Variants in ST6GALNAC3 observed in about 807,000 individuals in gnomAD.
The protein encoded by ST6GALNAC3 is alpha-N-acetylgalactosaminide alpha-2,6-sialyltransferase 3.
ST6GALNAC3 carries 25 observed loss-of-function variants against 32.7 expected under a neutral mutation model. The ratio of observed to expected loss-of-function variants is 0.76; its 90% CI spans 0.56 to 1.07. The LOEUF (loss-of-function observed/expected upper bound fraction) is 1.07. Among genes scored for constraint, ST6GALNAC3 ranks in the 50% least tolerant of loss-of-function variants. The pLI is 0.00. For missense variants in ST6GALNAC3, 355 were observed against 382.4 expected (o/e 0.93, Z 0.60); for synonymous variants, 129 against 133.1 (o/e 0.97, Z 0.21).
intron 1 of ST6GALNAC3, among the ~76,000 whole-genome samples, chr1:76,228,000 T>A (rs1054906298): frequency 1.3e-5 from 2 of 152,214 alleles, no homozygotes; most frequent in Admixed American, 1.3e-4. Flanking sequence ...TTAATTTCAT[T>A]ACTTTGTTAG....
intron 1 of ST6GALNAC3, among the ~76,000 whole-genome samples, chr1:76,297,767 G>A (rs985208838): frequency 6.6e-6 from 1 of 152,002 alleles, no homozygotes; most frequent in Non-Finnish European, 1.5e-5. Context: ...TAATGGTACT[G>A]CAATTTTATC....
intron 1 of ST6GALNAC3, among the ~76,000 whole-genome samples, chr1:76,126,831 G>A (rs1172587798): frequency 6.6e-6 from 1 of 152,108 alleles, no homozygotes; most frequent in African/African-American, 2.4e-5. Context: ...GCATCCCCAG[G>A]TGCTGCGTTT....
chr1:76,517,638 T>C (rs1432967424), intron 3 of ST6GALNAC3, among the ~76,000 whole-genome samples: 1 of 151,968 alleles, frequency 6.6e-6, no homozygotes, highest in African/African-American at 2.4e-5. Flanking sequence ...TGTTGTTTAT[T>C]AAGTTGATTA....
intron 2 of ST6GALNAC3, among the ~76,000 whole-genome samples, chr1:76,387,111 A>G (rs1351763311): frequency 6.6e-6 from 1 of 152,166 alleles, no homozygotes; most frequent in Non-Finnish European, 1.5e-5. Context: ...TCAAGCTACC[A>G]GGAGAGACTC....
chr1:76,619,979 C>A (rs577579639), intron 3 of ST6GALNAC3, among the ~76,000 whole-genome samples: 1 of 152,186 alleles, frequency 6.6e-6, no homozygotes, highest in South Asian at 2.1e-4. Flanking sequence ...GCTCTTTCCC[C>A]AGTATTCCCA....
chr1:76,502,792 A>T (rs1298404832), intron 3 of ST6GALNAC3, among the ~76,000 whole-genome samples: 1 of 152,194 alleles, frequency 6.6e-6, no homozygotes, highest in Non-Finnish European at 1.5e-5. Flanking sequence ...GAGATTAGAT[A>T]ACTTGCCCAA....
intron 1 of ST6GALNAC3, among the ~76,000 whole-genome samples, chr1:76,117,717 A>G (rs1171526975): frequency 6.6e-6 from 1 of 152,204 alleles, no homozygotes; most frequent in Non-Finnish European, 1.5e-5. Context: ...ACACTGTGGT[A>G]AGATAATCAA....
At chr1:76,156,880 C>T (rs527407331) in intron 1 of ST6GALNAC3, among the ~76,000 whole-genome samples, 112 of 152,302 alleles carry the variant, frequency 7.4e-4, no homozygotes, top group African/African-American at 1.3e-3. Flanking sequence ...TACAGGCGCC[C>T]GCCACCACGC....
At chr1:76,318,183 A>C (rs557569700) in intron 2 of ST6GALNAC3, among the ~76,000 whole-genome samples, 2 of 152,258 alleles carry the variant, frequency 1.3e-5, no homozygotes, top group South Asian at 2.1e-4. Context: ...CCTGATGTAG[A>C]TCCATAAAAA....
intron 1 of ST6GALNAC3, among the ~76,000 whole-genome samples, chr1:76,153,971 G>A (rs1327492636): frequency 2.6e-5 from 4 of 152,256 alleles, no homozygotes; most frequent in African/African-American, 7.2e-5. Context: ...CTTGGGTTCC[G>A]TCACAGTGAT....
chr1:76,144,703 G>A (rs924580745), intron 1 of ST6GALNAC3, among the ~76,000 whole-genome samples: 1 of 152,194 alleles, frequency 6.6e-6, no homozygotes. Flanking sequence ...ATGATTCTGT[G>A]AAGCAAACTA....
chr1:76,494,649 G>GCA (rs35632611), intron 3 of ST6GALNAC3, among the ~76,000 whole-genome samples: 39,709 of 67,610 alleles, frequency 0.59, 13,627 homozygotes, highest in Non-Finnish European at 0.69. Context: ...ATGTGTATGC[G>GCA]CACACACACA....
intron 1 of ST6GALNAC3, among the ~76,000 whole-genome samples, chr1:76,295,223 T>A (rs992591904): frequency 6.6e-6 from 1 of 152,118 alleles, no homozygotes; most frequent in Non-Finnish European, 1.5e-5. Context: ...TGTTCTTTGA[T>A]ATCAAAGAGC....
At chr1:76,521,543 G>A (rs1662539606) in intron 3 of ST6GALNAC3, among the ~76,000 whole-genome samples, 1 of 151,998 alleles carries the variant, frequency 6.6e-6, no homozygotes, top group Admixed American at 6.6e-5. Context: ...GTTTACCCAA[G>A]TATTTATCTT....
chr1:76,568,704 T>C (rs1665693696), intron 3 of ST6GALNAC3, among the ~76,000 whole-genome samples: 1 of 152,060 alleles, frequency 6.6e-6, no homozygotes, highest in Non-Finnish European at 1.5e-5. Context: ...AGACACGCAG[T>C]ATAGTGCTTC....
chr1:76,095,760 G>A (rs564512888), intron 1 of ST6GALNAC3, among the ~76,000 whole-genome samples: 16 of 152,226 alleles, frequency 1.1e-4, no homozygotes, highest in African/African-American at 3.9e-4. Context: ...GAAGGAGTGT[G>A]GGAGGGGTTT....
Position 76,630,937 on chromosome 1 carries a change from C to T in ST6GALNAC3, c.*2131C>T, listed in dbSNP as rs41291532. ...TTTCACTTTAAAATAAAAAGAAATC[C>T]TTGATTAATCAGAATGGCTTGGGAC... is the stretch of plus-strand genomic sequence containing the variant. On this transcript the variant is annotated 3_prime_UTR_variant, in exon 5 of 5. Coordinates refer to ENST00000328299, the MANE Select transcript of ST6GALNAC3 (RefSeq NM_152996.4). 0.13 allele frequency: 125,484 copies of T among 985,184 alleles called. 8,492 individuals are homozygous for T. Among genetic ancestry groups the T allele is most frequent in the Admixed American group, 0.22 (3,551 of 16,218 alleles). The allele number at this position is 985,184 out of a possible 1,614,324, so 61.0% of individuals were successfully genotyped here.
At chr1:76,407,900 T>C (rs944471712) in intron 2 of ST6GALNAC3, among the ~76,000 whole-genome samples, 1 of 152,004 alleles carries the variant, frequency 6.6e-6, no homozygotes, top group Non-Finnish European at 1.5e-5. Context: ...AATCAAATAA[T>C]ATGAATGAGT....
chr1:76,536,669 A>AG, intron 3 of ST6GALNAC3, among the ~76,000 whole-genome samples: 1 of 151,376 alleles, frequency 6.6e-6, no homozygotes, highest in East Asian at 1.9e-4. Flanking sequence ...AAAAAAAAAA[A>AG]AAAAAAAGCA....
Sources: gnomAD v4.1 joint callset for allele counts (sites outside exome capture counted in the v4.1 genomes callset) on GRCh38, gnomAD v4.1.1 for gene constraint, MANE v1.5 for transcripts, NCBI Gene and HGNC (gene_info 2026-07-23, HGNC 2026-07-21) for gene names.